The following ACOT8 variants were observed in gnomAD, a reference collection of about 807,000 sequenced individuals.
The protein encoded by ACOT8 is acyl-coenzyme A thioesterase 8.
A neutral mutation model predicts 38.4 loss-of-function variants in ACOT8; 31 were observed. That is an observed-to-expected ratio of 0.81 (90% confidence interval 0.61 to 1.09). The LOEUF (loss-of-function observed/expected upper bound fraction) is 1.09. ACOT8 is among the 50% of genes least tolerant of loss of function. The pLI is 0.00. For missense variants in ACOT8, 373 were observed against 421.8 expected (o/e 0.88, Z 1.01); for synonymous variants, 158 against 170.3 (o/e 0.93, Z 0.56).
At chr20:45,843,778 C>G (rs776226725) in intron 4 of ACOT8, 57 bp from the exon 5 acceptor site, 2 of 1,589,884 alleles carry the variant, frequency 1.3e-6, no homozygotes, top group East Asian at 4.5e-5. Context: ...AGGACCTGCA[C>G]GGAGGTAGGG....
chr20:45,850,348 A>G (rs1232913159), intron 2 of ACOT8, among the ~76,000 whole-genome samples: 1 of 152,218 alleles, frequency 6.6e-6, no homozygotes, highest in Non-Finnish European at 1.5e-5. Flanking sequence ...TAGGGCAGCT[A>G]TCAGTTATTA....
intron 3 of ACOT8, 31 bp from the exon 4 acceptor site, chr20:45,844,451 G>A (rs758408330): frequency 2.5e-6 from 4 of 1,609,304 alleles, no homozygotes; most frequent in Non-Finnish European, 3.4e-6. Flanking sequence ...GTCGGGGTGA[G>A]ACCCAGGAAG....
At chr20:45,855,128 G>A (rs1601102974) in intron 2 of ACOT8, 31 bp downstream of exon 2, 1 of 1,610,718 alleles carries the variant, frequency 6.2e-7, no homozygotes, top group Non-Finnish European at 8.5e-7. Context: ...GGCCACCAGG[G>A]TTGGGTTGGG....
intron 1 of ACOT8, 121 bp downstream of exon 1, chr20:45,857,067 G>T: frequency 1.7e-6 from 2 of 1,195,982 alleles, no homozygotes; most frequent in Non-Finnish European, 2.4e-6. Flanking sequence ...TCCTAATCGT[G>T]GCAGAGGGTG....
intron 2 of ACOT8, chr20:45,853,946 C>T (rs747052473): frequency 7.7e-7 from 1 of 1,304,406 alleles, no homozygotes; most frequent in Non-Finnish European, 1.0e-6. Context: ...AAACTCTTCT[C>T]AGCTGGGGAT....
chr20:45,857,278 C>T lies in ACOT8; in HGVS notation c.38G>A (p.Cys13Tyr), dbSNP rs780871413. The T allele has an allele frequency of 6.2e-7, 1 of 1,611,834 alleles. No individual in the cohort carries two copies. Among genetic ancestry groups the T allele is most frequent in the South Asian group, 1.1e-5 (1 of 90,752 alleles). ...CCCAGGGGGATCGCCGCGGTCGCCA[C>T]AGCCCTGCCCATCTTCTGGGGCCTG... Reference protein sequence around the residue: ...SPQAPEDGQGCGDRGDPPGDL... With the variant: ...SPQAPEDGQGYGDRGDPPGDL... Residue 13 changes from cysteine (C) to tyrosine (Y), a missense_variant, in exon 1 of 6, where the codon TGT (cysteine) becomes TAT (tyrosine). By Grantham distance (194) the Cys-to-Tyr change is radical (BLOSUM62 -2). Transcript: ENST00000217455.
intron 2 of ACOT8, 129 bp downstream of exon 2, chr20:45,855,030 G>T: frequency 1.5e-6 from 2 of 1,321,422 alleles, no homozygotes; most frequent in Non-Finnish European, 2.1e-6. Context: ...ACCTCTTAGG[G>T]TGGTAGTGTC....
At chr20:45,842,700 C>T (rs776241960) in intron 5 of ACOT8, 2 of 989,080 alleles carry the variant, frequency 2.0e-6, no homozygotes, top group Non-Finnish European at 2.4e-6. Flanking sequence ...ATGTGTTGTC[C>T]AGTTTTCCAG....
Position 45,855,222 on chromosome 20 carries a change from C to T in ACOT8, c.199G>A (p.Ala67Thr). The change falls in exon 2 of 6, where the codon GCA (alanine) becomes ACA (threonine). Residue 67 changes from alanine (A) to threonine (T), a missense_variant. Physicochemically the swap from Ala to Thr is moderately conservative, Grantham distance 58. Transcript: ENST00000217455. Reference protein sequence around the residue: ...GQIVGQALVAAAKSVSEDVHV... With the variant: ...GQIVGQALVATAKSVSEDVHV... Reference sequence around the variant, plus strand: ...ACGTCTTCACTCACAGACTTGGCTGCAGCCACCAGGGCCTGGCCCACGATC... The same window carrying T: ...ACGTCTTCACTCACAGACTTGGCTGTAGCCACCAGGGCCTGGCCCACGATC... The T allele has an allele frequency of 6.2e-7, 1 of 1,614,172 alleles. No homozygotes were observed. The highest frequency in any genetic ancestry group is 8.5e-7 in the Non-Finnish European group (1 of 1,180,038).
Position 45,857,310 on chromosome 20 carries a change from C to T in ACOT8, c.6G>A (p.Ser2=), listed in dbSNP as rs1985527243. The change falls in exon 1 of 6, where the codon TCG becomes TCA. Residue 2 remains serine, a synonymous_variant. Transcript: ENST00000217455. ...GCCCATCTTCTGGGGCCTGCGGGGA[C>T]GACATCTAGTTCAATGCTGCAGGCC... The part of the protein sequence containing the change: M[S]SPQAPEDGQG... 1.2e-6 allele frequency: 2 copies of T among 1,603,438 alleles called. No homozygotes were observed. Among genetic ancestry groups the T allele is most frequent in the Middle Eastern group, 1.7e-4 (1 of 6,014 alleles).
chr20:45,848,311 A>G, intron 3 of ACOT8, 139 bp downstream of exon 3: 2 of 793,170 alleles, frequency 2.5e-6, no homozygotes, highest in Non-Finnish European at 4.0e-6. Context: ...TAATACATAC[A>G]TATTATTCAC....
chr20:45,847,416 C>T (rs1419681382), intron 3 of ACOT8, among the ~76,000 whole-genome samples: 1 of 151,128 alleles, frequency 6.6e-6, no homozygotes, highest in Admixed American at 6.6e-5. Context: ...TTTCTATATA[C>T]ATATATATAT....
At chr20:45,842,348 G>C (rs79106516) in intron 5 of ACOT8, 3 of 1,372,536 alleles carry the variant, frequency 2.2e-6, no homozygotes, top group African/African-American at 1.5e-5. Flanking sequence ...CACAGAGGGA[G>C]GAGCTCTGAG....
intron 3 of ACOT8, among the ~76,000 whole-genome samples, chr20:45,846,260 C>T (rs959927538): frequency 4.6e-5 from 7 of 152,192 alleles, no homozygotes; most frequent in African/African-American, 1.2e-4. Flanking sequence ...AAACATTTGT[C>T]GAACTGCAAC....
intron 5 of ACOT8, chr20:45,842,672 T>C (rs1984318597): frequency 1.0e-6 from 1 of 989,170 alleles, no homozygotes; most frequent in Non-Finnish European, 1.2e-6. Context: ...GTTCTCACAG[T>C]AGCCAAATGA....
chr20:45,848,453 A>C lies in ACOT8; in HGVS notation c.485T>G (p.Leu162Ter). Reference sequence around the variant, plus strand: ...ATGGAGCCTCCAGGTCTCTCACCTTAAATACTGGTCAATGAGGGTCTCACA... The same window carrying C: ...ATGGAGCCTCCAGGTCTCTCACCTTCAATACTGGTCAATGAGGGTCTCACA... ...LDCETLIDQYLRDPNLQKRYP... is the reference protein window; with the variant it reads ...LDCETLIDQY Residue 162 changes from leucine to a stop codon, truncating the protein, a stop_gained, in exon 3 of 6, where the codon TTA becomes TGA. Coordinates refer to ENST00000217455, the MANE Select transcript of ACOT8 (RefSeq NM_005469.4). LOFTEE classifies it high-confidence loss of function. 1.9e-6 allele frequency: 3 copies of C among 1,596,028 alleles called. No homozygotes were observed. Among genetic ancestry groups the C allele is most frequent in the Non-Finnish European group, 2.6e-6 (3 of 1,168,700 alleles).
At chr20:45,847,365 G>T (rs773580999) in intron 3 of ACOT8, among the ~76,000 whole-genome samples, 3 of 151,974 alleles carry the variant, frequency 2.0e-5, no homozygotes, top group Non-Finnish European at 1.5e-5. Context: ...AATCACTTAG[G>T]GGGCTGGGGA....
Position 45,844,368 on chromosome 20 carries a change from G to C in ACOT8, c.541C>G (p.Gln181Glu). The C allele has an allele frequency of 1.2e-6, 2 of 1,614,178 alleles. No individual in the cohort carries two copies. The highest frequency in any genetic ancestry group is 1.7e-6 in the Non-Finnish European group (2 of 1,180,014). ...GGCTTGATCTCAATGGGGACCTCCT[G>C]AGCAGCAATTCGGTTGAGCGCCAAT... ...YPLALNRIAA[Q>E]EVPIEIKPVN... Residue 181 changes from glutamine to glutamate, a missense_variant, in exon 4 of 6, where the codon CAG (glutamine) becomes GAG (glutamate). Physicochemically the swap from Gln to Glu is conservative, Grantham distance 29 (BLOSUM62 2). Coordinates refer to ENST00000217455, the MANE Select transcript of ACOT8 (RefSeq NM_005469.4).
intron 2 of ACOT8, chr20:45,849,077 C>T (rs1984890896): frequency 6.0e-6 from 1 of 166,542 alleles, no homozygotes; most frequent in Non-Finnish European, 1.3e-5. Flanking sequence ...ATATCTGGCA[C>T]ATAGTGAGGG....
Sources: gnomAD v4.1 joint callset for allele counts (sites outside exome capture counted in the v4.1 genomes callset) on GRCh38, gnomAD v4.1.1 for gene constraint, MANE v1.5 for transcripts, NCBI Gene and HGNC (gene_info 2026-07-23, HGNC 2026-07-21) for gene names.